The following PTPRM variants were observed in gnomAD, a reference collection of about 807,000 sequenced individuals.
PTPRM encodes the protein receptor-type tyrosine-protein phosphatase mu.
In PTPRM, 47 loss-of-function variants were observed where a neutral mutation model predicts 186.7. The ratio of observed to expected loss-of-function variants is 0.25; its 90% confidence interval spans 0.20 to 0.32. The LOEUF (loss-of-function observed/expected upper bound fraction) is 0.32. Among genes scored for constraint, PTPRM ranks in the 10% least tolerant of loss-of-function variants. The pLI is 1.00. For missense variants in PTPRM, 1,494 were observed against 1,865.0 expected (o/e 0.80, Z 3.66); for synonymous variants, 668 against 674.9 (o/e 0.99, Z 0.16).
rs530234319 is a variant in PTPRM at position 7,849,623 on chromosome 18, A to G, written c.197-38483A>G. ...GATTGGAATTGGGCTGTCTGTTAAT[A>G]TGTTTCTTTGCAGCTATGATATGTA... On this transcript the variant is annotated intron_variant, in intron 2 of 32. Transcript: ENST00000580170. Among the ~76,000 whole-genome samples the G allele has an allele frequency of 3.3e-5, 5 of 152,334 alleles. No individual in the cohort carries two copies. The East Asian group carries it at 7.7e-4, about 23-fold the overall frequency.
intron 19 of PTPRM, among the ~76,000 whole-genome samples, chr18:8,277,924 TGAGTA>T (rs1391789489): frequency 6.6e-6 from 1 of 152,230 alleles, no homozygotes; most frequent in African/African-American, 2.4e-5. Flanking sequence ...TAAGTACACA[TGAGTA>T]GGGAGAGAAG....
At chr18:8,363,387 A>T (rs1320147040) in intron 23 of PTPRM, among the ~76,000 whole-genome samples, 1 of 152,214 alleles carries the variant, frequency 6.6e-6, no homozygotes, top group Non-Finnish European at 1.5e-5. Flanking sequence ...GTAGATCTAT[A>T]CTGTGACCCT....
intron 7 of PTPRM, among the ~76,000 whole-genome samples, chr18:7,997,497 T>G (rs560680341): frequency 5.9e-5 from 9 of 152,244 alleles, no homozygotes; most frequent in Middle Eastern, 3.4e-3. Context: ...GTTAAAATAT[T>G]GAAAACACGT....
intron 7 of PTPRM, among the ~76,000 whole-genome samples, chr18:8,047,133 G>A (rs1010224496): frequency 2.6e-5 from 4 of 152,106 alleles, no homozygotes; most frequent in Admixed American, 2.6e-4. Context: ...AGATCCTCAT[G>A]AAAATTTTTA....
At chr18:7,810,342 C>A (rs2044444828) in intron 2 of PTPRM, among the ~76,000 whole-genome samples, 1 of 152,224 alleles carries the variant, frequency 6.6e-6, no homozygotes, top group Admixed American at 6.5e-5. Flanking sequence ...GCATGTGTTA[C>A]TGTGCTAACT....
intron 8 of PTPRM, 56 bp downstream of exon 8, chr18:8,070,050 T>G: frequency 6.8e-7 from 1 of 1,480,748 alleles, no homozygotes; most frequent in Non-Finnish European, 9.2e-7. Context: ...AAAAACAACT[T>G]TTGTTTCGAG....
chr18:7,615,586 G>C (rs1954840), intron 1 of PTPRM, among the ~76,000 whole-genome samples: 164 of 152,206 alleles, frequency 1.1e-3, no homozygotes, highest in African/African-American at 3.8e-3. Context: ...AGAAGGAACA[G>C]GTGCCCTTCT....
chr18:8,140,261 G>T (rs928174015), intron 13 of PTPRM, among the ~76,000 whole-genome samples: 2 of 152,084 alleles, frequency 1.3e-5, no homozygotes, highest in African/African-American at 4.8e-5. Flanking sequence ...TGTGCAGCCA[G>T]TTCAGTAGTC....
intron 1 of PTPRM, among the ~76,000 whole-genome samples, chr18:7,748,831 C>A (rs1478783711): frequency 1.3e-5 from 2 of 152,140 alleles, no homozygotes; most frequent in Non-Finnish European, 2.9e-5. Context: ...GCCTTCCATT[C>A]CCATTATTGG....
At chr18:7,770,159 G>T (rs966615213) in intron 1 of PTPRM, among the ~76,000 whole-genome samples, 2 of 152,162 alleles carry the variant, frequency 1.3e-5, no homozygotes, top group African/African-American at 4.8e-5. Flanking sequence ...GGCAAAATTT[G>T]TCTGTATTAT....
intron 1 of PTPRM, among the ~76,000 whole-genome samples, chr18:7,711,801 G>C (rs1337205900): frequency 3.3e-5 from 5 of 152,124 alleles, no homozygotes; most frequent in African/African-American, 2.4e-5. Context: ...TCTCTGGGCA[G>C]GGCATCTCTG....
At chr18:7,851,988 A>G (rs1208773155) in intron 2 of PTPRM, among the ~76,000 whole-genome samples, 1 of 152,206 alleles carries the variant, frequency 6.6e-6, no homozygotes, top group Non-Finnish European at 1.5e-5. Flanking sequence ...TTAGGGAGCC[A>G]TATTGTAATC....
At chr18:7,915,540 G>A (rs2146663814) in intron 4 of PTPRM, among the ~76,000 whole-genome samples, 1 of 152,272 alleles carries the variant, frequency 6.6e-6, no homozygotes, top group Middle Eastern at 3.4e-3. Context: ...TGATAGATCA[G>A]TTATTTTAAA....
chr18:8,039,927 A>G (rs899913359), intron 7 of PTPRM, among the ~76,000 whole-genome samples: 1 of 152,248 alleles, frequency 6.6e-6, no homozygotes, highest in Non-Finnish European at 1.5e-5. Flanking sequence ...CTGCTCAGAA[A>G]TAATTGAAAA....
chr18:7,643,227 A>G (rs2038485731), intron 1 of PTPRM, among the ~76,000 whole-genome samples: 1 of 152,128 alleles, frequency 6.6e-6, no homozygotes, highest in Non-Finnish European at 1.5e-5. Context: ...CCCTAGTATA[A>G]TGCTTTATAA....
intron 2 of PTPRM, among the ~76,000 whole-genome samples, chr18:7,862,320 A>G (rs984942636): frequency 6.6e-6 from 1 of 152,168 alleles, no homozygotes; most frequent in African/African-American, 2.4e-5. Flanking sequence ...TGTGAAGTGA[A>G]TATCTTCTCA....
chr18:7,632,861 A>T (rs561243195), intron 1 of PTPRM, among the ~76,000 whole-genome samples: 1 of 152,212 alleles, frequency 6.6e-6, no homozygotes, highest in Non-Finnish European at 1.5e-5. Context: ...AAATTCAGCA[A>T]TTGCCTCAGT....
chr18:7,780,913 G>A (rs2042824177), intron 2 of PTPRM, among the ~76,000 whole-genome samples: 1 of 152,138 alleles, frequency 6.6e-6, no homozygotes, highest in Non-Finnish European at 1.5e-5. Flanking sequence ...AGTGTGCTCT[G>A]CTGGAGCTAG....
intron 13 of PTPRM, among the ~76,000 whole-genome samples, chr18:8,127,303 A>G (rs577041176): frequency 6.6e-5 from 10 of 152,230 alleles, no homozygotes; most frequent in African/African-American, 2.2e-4. Context: ...GGTCAGCCAT[A>G]TCAAAGGAAT....
Sources: gnomAD v4.1 joint callset for allele counts (sites outside exome capture counted in the v4.1 genomes callset) on GRCh38, gnomAD v4.1.1 for gene constraint, MANE v1.5 for transcripts, NCBI Gene and HGNC (gene_info 2026-07-23, HGNC 2026-07-21) for gene names.